SOX6: variants seen among roughly 807,000 people sequenced by gnomAD.
The protein encoded by SOX6 is SRY-box transcription factor 6.
SOX6 carries 11 observed loss-of-function variants against 97.8 expected under a neutral mutation model. The ratio of observed to expected loss-of-function variants is 0.11; its 90% CI spans 0.07 to 0.19. The LOEUF (loss-of-function observed/expected upper bound fraction) is 0.19, where lower values mean the gene tolerates loss of function less well. Ranked by LOEUF, SOX6 falls within the 10% of genes least tolerant of loss-of-function variation. The pLI is 1.00. For synonymous variants in SOX6, 360 were observed against 371.4 expected, an observed-to-expected ratio of 0.97 and a Z score of 0.35; for missense variants, 810 against 1,039.5, an observed-to-expected ratio of 0.78 and a Z score of 3.04.
At chr11:16,257,205 C>T (rs1853720302) in intron 3 of SOX6, among the ~76,000 whole-genome samples, 1 of 151,838 alleles carries the variant, frequency 6.6e-6, no homozygotes, top group Non-Finnish European at 1.5e-5. Flanking sequence ...TATCAACAAA[C>T]TGATTCTAAA....
intron 13 of SOX6, among the ~76,000 whole-genome samples, chr11:15,998,062 A>G (rs1171552193): frequency 1.3e-5 from 2 of 151,984 alleles, no homozygotes; most frequent in African/African-American, 2.4e-5. Flanking sequence ...CCTGGGCAAT[A>G]GAGCAAGACT....
In SOX6 at chr11:16,219,371, G is replaced by C. The variant is rs1449239802; in HGVS notation, c.535+15211C>G. 3.0e-4 allele frequency among the ~76,000 whole-genome samples: 45 copies of C among 151,918 alleles called. 1 individual carries two copies. Among genetic ancestry groups the C allele is most frequent in the Admixed American group, 2.8e-3 (43 of 15,240 alleles). ...ATTTTGGAACCCTATCCTTTACTAT[G>C]TCAGGCCCATTCTAATTTTATCTTG... On this transcript the variant is annotated intron_variant, in intron 4 of 15. Coordinates refer to ENST00000683767, the MANE Select transcript of SOX6 (RefSeq NM_001367873.1).
intron 12 of SOX6, 64 bp from the exon 13 acceptor site, chr11:16,015,114 T>C: frequency 7.1e-7 from 1 of 1,409,572 alleles, no homozygotes; most frequent in Non-Finnish European, 1.0e-6. Flanking sequence ...TCCTTCCAGT[T>C]TCTATCTTGC....
At chr11:16,058,670 A>G (rs1472488924) in intron 9 of SOX6, among the ~76,000 whole-genome samples, 1 of 152,006 alleles carries the variant, frequency 6.6e-6, no homozygotes, top group Non-Finnish European at 1.5e-5. Flanking sequence ...TGCCATCATT[A>G]CATGAGCCAA....
At chr11:16,722,641 ACT>A (rs1417814419) in intron 2 of SOX6, among the ~76,000 whole-genome samples, 1 of 151,846 alleles carries the variant, frequency 6.6e-6, no homozygotes, top group Non-Finnish European at 1.5e-5. Flanking sequence ...ACAAAGTGAA[ACT>A]CTGTCTCAAA....
intron 4 of SOX6, among the ~76,000 whole-genome samples, chr11:16,492,295 T>A (rs543333420): frequency 6.6e-6 from 1 of 152,310 alleles, no homozygotes; most frequent in East Asian, 1.9e-4. Context: ...CAGTTCTGAT[T>A]TTAGCCAGAG....
At chr11:16,626,388 A>C (rs2133992482) in intron 3 of SOX6, among the ~76,000 whole-genome samples, 1 of 152,198 alleles carries the variant, frequency 6.6e-6, no homozygotes, top group Admixed American at 6.5e-5. Flanking sequence ...CTATTTCTGA[A>C]CCCTCTATTC....
intron 1 of SOX6, among the ~76,000 whole-genome samples, chr11:16,441,554 A>G (rs906468511): frequency 3.9e-5 from 6 of 152,338 alleles, no homozygotes; most frequent in African/African-American, 1.4e-4. Flanking sequence ...AAAGCAATTT[A>G]TATTATTTAC....
intron 1 of SOX6, among the ~76,000 whole-genome samples, chr11:16,422,734 G>A (rs1308547642): frequency 6.6e-6 from 1 of 152,040 alleles, no homozygotes; most frequent in African/African-American, 2.4e-5. Flanking sequence ...AAACATCTAA[G>A]GAAAAGGCAC....
chr11:16,574,950 G>C lies in SOX6; in HGVS notation n.609+37131C>G, dbSNP rs553698350. 2.6e-5 allele frequency among the ~76,000 whole-genome samples: 4 copies of C among 151,614 alleles called. 1 individual carries two copies. In the South Asian group the frequency reaches 6.3e-4, roughly 24 times the overall value. On this transcript the variant is annotated intron_variant and non_coding_transcript_variant, in intron 4 of 5. Coordinates refer to the SOX6 transcript ENST00000524520. ...AGCCACTCAGGAGGCTGAGGCAAGA[G>C]AATCGCTTGAACCCAGGAGGCAGAG... is the stretch of plus-strand genomic sequence containing the variant.
intron 1 of SOX6, among the ~76,000 whole-genome samples, chr11:16,354,433 G>A (rs554969368): frequency 6.6e-6 from 1 of 152,100 alleles, no homozygotes; most frequent in African/African-American, 2.4e-5. Context: ...ACCCAGTGCT[G>A]AGTGAACTAA....
intron 15 of SOX6, among the ~76,000 whole-genome samples, chr11:15,974,940 A>G (rs1198674944): frequency 6.6e-6 from 1 of 152,172 alleles, no homozygotes; most frequent in Admixed American, 6.5e-5. Flanking sequence ...CCTGCATTCA[A>G]TAACCAGCAG....
At chr11:16,549,941 G>A (rs1326856608) in intron 4 of SOX6, among the ~76,000 whole-genome samples, 1 of 152,178 alleles carries the variant, frequency 6.6e-6, no homozygotes, top group African/African-American at 2.4e-5. Context: ...AGGGGTATGA[G>A]TGACAGGCTG....
rs1056604107 is a variant in SOX6, at chr11:15,972,578, G to A, written c.*231C>T. The A allele has an allele frequency of 1.8e-6, 1 of 562,648 alleles. No homozygotes were observed. The highest frequency in any genetic ancestry group is 3.2e-6 in the Non-Finnish European group (1 of 315,782). 34.9% of individuals were successfully genotyped at this position (562,648 alleles called of 1,614,324 possible). ...AGTCCTGGTGTCTCATATTTAATAT[G>A]TCTTCACCTAAATTAAAAAAACAAC... On this transcript the variant is annotated 3_prime_UTR_variant, in exon 16 of 16. Coordinates refer to ENST00000683767, the MANE Select transcript of SOX6 (RefSeq NM_001367873.1).
intron 12 of SOX6, among the ~76,000 whole-genome samples, chr11:16,045,233 A>G (rs1043362974): frequency 6.6e-6 from 1 of 152,172 alleles, no homozygotes; most frequent in Non-Finnish European, 1.5e-5. Context: ...GTCCCCTCAG[A>G]ATCCCTTATC....
intron 9 of SOX6, among the ~76,000 whole-genome samples, chr11:16,081,795 A>G (rs1279590106): frequency 1.3e-5 from 2 of 152,232 alleles, no homozygotes; most frequent in East Asian, 3.8e-4. Flanking sequence ...GCAACCCAGC[A>G]TGAAACTCTG....
At chr11:15,974,634 T>G (rs1384982409) in intron 15 of SOX6, among the ~76,000 whole-genome samples, 1 of 148,994 alleles carries the variant, frequency 6.7e-6, no homozygotes, top group Non-Finnish European at 1.5e-5. Flanking sequence ...AGTGAGAATA[T>G]GCGGTGTTTG....
intron 4 of SOX6, among the ~76,000 whole-genome samples, chr11:16,503,006 A>C (rs994928235): frequency 3.9e-5 from 6 of 152,326 alleles, no homozygotes; most frequent in African/African-American, 1.2e-4. Context: ...TCAAACTAAT[A>C]GCAGATTTAT....
chr11:16,091,528 C>T (rs1350470653), intron 9 of SOX6, among the ~76,000 whole-genome samples: 1 of 152,048 alleles, frequency 6.6e-6, no homozygotes, highest in African/African-American at 2.4e-5. Context: ...AATAGAAATA[C>T]AGCATTCTCA....
Sources: allele counts gnomAD v4.1 joint callset (sites outside exome capture counted in the v4.1 genomes callset), GRCh38; gene constraint gnomAD v4.1.1; transcripts MANE v1.5; gene names NCBI Gene and HGNC (gene_info 2026-07-23, HGNC 2026-07-21).